The following DTNA variants were observed in gnomAD, a reference collection of about 807,000 sequenced individuals.
DTNA encodes dystrophin-related protein 3.
Under a neutral mutation model 100.7 loss-of-function variants are expected in DTNA, and 43 were observed. The observed-to-expected ratio is 0.43, with a 90% CI of 0.33 to 0.55. The LOEUF is 0.55. Ranked by LOEUF, DTNA falls within the 20% of genes least tolerant of loss-of-function variation. The pLI, the probability that DTNA is intolerant of heterozygous loss-of-function variation, is 0.04. For synonymous variants in DTNA, 349 were observed against 347.9 expected, an observed-to-expected ratio of 1.00 and a Z score of -0.04; for missense variants, 798 against 953.9, an observed-to-expected ratio of 0.84 and a Z score of 2.15.
intron 1 of DTNA, among the ~76,000 whole-genome samples, chr18:34,547,689 A>G (rs967275905): frequency 6.6e-6 from 1 of 152,182 alleles, no homozygotes; most frequent in African/African-American, 2.4e-5. Flanking sequence ...ACCTGTTTAC[A>G]TAAACTGCAT....
At chr18:34,844,929 G>A (rs73418644) in intron 13 of DTNA, among the ~76,000 whole-genome samples, 1,663 of 152,192 alleles carry the variant, frequency 0.011, 35 homozygotes, top group African/African-American at 0.035. Context: ...CATGCATTTC[G>A]GGTAGAATGT....
intron 6 of DTNA, among the ~76,000 whole-genome samples, chr18:34,814,334 G>A (rs566881074): frequency 2.3e-4 from 35 of 152,188 alleles, no homozygotes; most frequent in Admixed American, 3.9e-4. Context: ...TAATGCCTCA[G>A]AATATATGTC....
chr18:34,751,348 C>A (rs1373078467), intron 1 of DTNA, among the ~76,000 whole-genome samples: 2 of 152,238 alleles, frequency 1.3e-5, no homozygotes, highest in African/African-American at 4.8e-5. Context: ...CACGCCTACC[C>A]TCCTACCTAC....
chr18:34,529,187 A>C (rs1343982753), intron 1 of DTNA, among the ~76,000 whole-genome samples: 1 of 152,094 alleles, frequency 6.6e-6, no homozygotes, highest in Non-Finnish European at 1.5e-5. Flanking sequence ...TTATTTTTAG[A>C]ATTCTTGTTA....
intron 3 of DTNA, among the ~76,000 whole-genome samples, chr18:34,768,187 G>A (rs574658313): frequency 6.6e-6 from 1 of 152,212 alleles, no homozygotes; most frequent in Non-Finnish European, 1.5e-5. Flanking sequence ...GGAAGGCAGA[G>A]GGTAAGTGGT....
chr18:34,717,036 G>A (rs1418285229), intron 1 of DTNA, among the ~76,000 whole-genome samples: 2 of 152,092 alleles, frequency 1.3e-5, no homozygotes. Context: ...TATAAGGATG[G>A]GCAGAGGATA....
intron 1 of DTNA, among the ~76,000 whole-genome samples, chr18:34,541,280 T>C (rs1323028478): frequency 6.6e-6 from 1 of 152,050 alleles, no homozygotes; most frequent in Admixed American, 6.6e-5. Flanking sequence ...ACAGTTGAGA[T>C]ACATGTTGTC....
At chr18:34,609,940 T>C (rs1265859799) in intron 1 of DTNA, among the ~76,000 whole-genome samples, 1 of 152,150 alleles carries the variant, frequency 6.6e-6, no homozygotes, top group Admixed American at 6.5e-5. Context: ...ACAATAACAA[T>C]TCTTAGGGAC....
In DTNA at chr18:34,691,924, G is replaced by C. The variant is rs916562173; in HGVS notation, c.-1-64052G>C. Among the ~76,000 whole-genome samples the C allele has an allele frequency of 2.6e-5, 4 of 152,210 alleles. No individual in the cohort carries two copies. The East Asian group carries it at 7.7e-4, about 29-fold the overall frequency. On this transcript the variant is annotated intron_variant, in intron 1 of 19. Transcript: ENST00000283365. ...AACTTCTCATGGATCATAGTTATGT[G>C]TCCTATCTTTGAATGCACATAGACT... is the stretch of plus-strand genomic sequence containing the variant.
chr18:34,568,886 G>A (rs1201891544), intron 1 of DTNA, among the ~76,000 whole-genome samples: 4 of 152,146 alleles, frequency 2.6e-5, no homozygotes, highest in African/African-American at 9.7e-5. Flanking sequence ...AAAGTGCTGG[G>A]ATTACAGACA....
intron 1 of DTNA, among the ~76,000 whole-genome samples, chr18:34,534,652 C>T (rs1281292557): frequency 6.6e-6 from 1 of 151,964 alleles, no homozygotes; most frequent in Non-Finnish European, 1.5e-5. Context: ...TTCCCTCCAA[C>T]CCCCCTACAG....
In DTNA at chr18:34,498,722, G is replaced by A. The variant is rs947552616; in HGVS notation, c.-2+5208G>A. On this transcript the variant is annotated intron_variant, in intron 1 of 19. Coordinates refer to the DTNA transcript ENST00000283365. The stretch of plus-strand genomic sequence containing the variant: ...GAACAGATTTGATAGTATCAACATG[G>A]TACAGAAATCAGAACAGCTATGTGC... Among the ~76,000 whole-genome samples the A allele has an allele frequency of 2.6e-5, 4 of 151,940 alleles. No homozygotes were observed. In the East Asian group the frequency reaches 7.7e-4, roughly 29 times the overall value.
intron 4 of DTNA, among the ~76,000 whole-genome samples, chr18:34,796,241 A>G (rs1395108020): frequency 6.6e-6 from 1 of 152,210 alleles, no homozygotes; most frequent in Non-Finnish European, 1.5e-5. Context: ...TGACACTCAA[A>G]TTTTCCATCT....
chr18:34,818,614 C>A, intron 8 of DTNA: 1 of 1,237,734 alleles, frequency 8.1e-7, no homozygotes, highest in Non-Finnish European at 1.0e-6. Context: ...AACTGAATAG[C>A]AAGGACCTTC....
At chr18:34,521,678 C>G (rs1280062491) in intron 1 of DTNA, among the ~76,000 whole-genome samples, 2 of 152,144 alleles carry the variant, frequency 1.3e-5, no homozygotes, top group African/African-American at 2.4e-5. Flanking sequence ...TGCACTTGCT[C>G]TGACCCCTAC....
At chr18:34,867,474 T>C in intron 17 of DTNA, 1 of 1,216,716 alleles carries the variant, frequency 8.2e-7, no homozygotes, top group Non-Finnish European at 1.0e-6. Context: ...GGTATTGCTA[T>C]TGTATTTCCA....
intron 1 of DTNA, among the ~76,000 whole-genome samples, chr18:34,747,104 C>CTATATATATATATATATATA (rs35537934): frequency 4.8e-4 from 71 of 148,286 alleles, no homozygotes; most frequent in African/African-American, 1.7e-3. Flanking sequence ...ATATCTGTAT[C>CTATATATATATATATATATA]TATATATATA....
intron 1 of DTNA, among the ~76,000 whole-genome samples, chr18:34,679,302 A>C (rs1348064508): frequency 2.0e-5 from 3 of 152,138 alleles, no homozygotes; most frequent in Non-Finnish European, 4.4e-5. Context: ...TATTTCTTAT[A>C]CTAAATGAAA....
chr18:34,797,478 G>A (rs2095031090), intron 4 of DTNA, among the ~76,000 whole-genome samples: 1 of 152,030 alleles, frequency 6.6e-6, no homozygotes, highest in African/African-American at 2.4e-5. Context: ...CTTCTTTGCT[G>A]CCAGGAGCCT....
Sources: gnomAD v4.1 joint callset for allele counts (sites outside exome capture counted in the v4.1 genomes callset) on GRCh38, gnomAD v4.1.1 for gene constraint, MANE v1.5 for transcripts, NCBI Gene and HGNC (gene_info 2026-07-23, HGNC 2026-07-21) for gene names.